Variants in PAQR5 observed in about 807,000 individuals in gnomAD.
PAQR5 encodes the protein membrane progestin receptor gamma.
A neutral mutation model predicts 34.5 loss-of-function variants in PAQR5; 20 were observed. The observed-to-expected ratio is 0.58, with a 90% CI of 0.41 to 0.84. The LOEUF (loss-of-function observed/expected upper bound fraction) is 0.84, where lower values mean the gene tolerates loss of function less well. Among genes scored for constraint, PAQR5 ranks in the 40% least tolerant of loss-of-function variants. The pLI, the probability that PAQR5 is intolerant of heterozygous loss-of-function variation, is 0.00. For missense variants in PAQR5, 378 were observed against 412.7 expected (o/e 0.92, Z 0.73); for synonymous variants, 131 against 155.6 (o/e 0.84, Z 1.18).
intron 1 of PAQR5, among the ~76,000 whole-genome samples, chr15:69,307,053 C>G (rs1457043664): frequency 6.6e-6 from 1 of 151,774 alleles, no homozygotes; most frequent in Non-Finnish European, 1.5e-5. Flanking sequence ...GACAGAATTT[C>G]CTTCTTTTTT....
intron 6 of PAQR5, among the ~76,000 whole-genome samples, chr15:69,392,860 G>T (rs1004521198): frequency 2.0e-5 from 3 of 152,010 alleles, no homozygotes; most frequent in African/African-American, 7.2e-5. Flanking sequence ...GTGGGCCAGG[G>T]TGGGGAAGCA....
intron 8 of PAQR5, among the ~76,000 whole-genome samples, chr15:69,402,915 A>G (rs920592828): frequency 1.3e-5 from 2 of 152,206 alleles, no homozygotes; most frequent in Non-Finnish European, 2.9e-5. Flanking sequence ...ACTACCCTCT[A>G]CTGGGCTCCC....
At chr15:69,364,160 C>T (rs2055320262) in intron 3 of PAQR5, among the ~76,000 whole-genome samples, 1 of 152,078 alleles carries the variant, frequency 6.6e-6, no homozygotes, top group African/African-American at 2.4e-5. Flanking sequence ...ATGAAGGAAG[C>T]ACAGCCAGAT....
chr15:69,334,047 TG>T (rs1220324591), intron 1 of PAQR5, among the ~76,000 whole-genome samples: 2 of 152,206 alleles, frequency 1.3e-5, no homozygotes, highest in South Asian at 2.1e-4. Flanking sequence ...GTTTTTTCTT[TG>T]AGATGGAGTC....
chr15:69,386,768 G>A (rs866645928), intron 5 of PAQR5, among the ~76,000 whole-genome samples: 6 of 151,070 alleles, frequency 4.0e-5, no homozygotes, highest in East Asian at 2.0e-4. Context: ...TTCCACCTCC[G>A]GAGAAACCCT....
rs1567030815 is a variant in PAQR5, at chr15:69,379,973, G to A, written c.142G>A (p.Glu48Lys). The A allele has an allele frequency of 6.2e-7, 1 of 1,614,204 alleles. No individual in the cohort carries two copies. Among genetic ancestry groups the A allele is most frequent in the South Asian group, 1.1e-5 (1 of 91,086 alleles). The change falls in exon 4 of 9, where the codon GAG becomes AAG. Residue 48 changes from glutamate (E) to lysine (K), a missense_variant. Transcript: ENST00000395407. ...CCTCAGCCTTTTCCAAATGACCAAT[G>A]AGACTCTCAACATTTGGACTCACTT... Reference protein sequence around the residue: ...CILSLFQMTNETLNIWTHLLP... With the variant: ...CILSLFQMTNKTLNIWTHLLP...
chr15:69,331,781 T>C (rs1159839671), intron 1 of PAQR5, among the ~76,000 whole-genome samples: 1 of 152,210 alleles, frequency 6.6e-6, no homozygotes, highest in African/African-American at 2.4e-5. Context: ...CTGAATGAGG[T>C]GACTAATGTC....
chr15:69,383,508 A>T, intron 4 of PAQR5, among the ~76,000 whole-genome samples: 1 of 113,634 alleles, frequency 8.8e-6, no homozygotes, highest in Non-Finnish European at 1.8e-5. Context: ...GTGGAGGGTG[A>T]CTGGCCCTCT....
At position 69,300,609 on chromosome 15, in the gene PAQR5, CT is replaced by C. The variant is rs1491414984; in HGVS notation, c.-277+1556del. Among the ~76,000 whole-genome samples, 2 of 48,678 alleles carry C rather than the reference CT, an allele frequency of 4.1e-5. 1 individual carries two copies. The highest frequency in any genetic ancestry group is 9.6e-5 in the Non-Finnish European group (2 of 20,730). 31.9% of individuals were successfully genotyped at this position (48,678 alleles called of 152,430 possible). A position where few individuals can be genotyped will look rare whatever the true frequency, so the allele number is the denominator to read the frequency against. On this transcript the variant is annotated intron_variant, in intron 1 of 8. Coordinates refer to ENST00000395407, the MANE Select transcript of PAQR5 (RefSeq NM_017705.4). Reference sequence around the variant, plus strand: ...TCTTTCCTTCTTTCTTTCTTTCTTTCTTTCTTTCTTTCTTTCTTTCTTTCTT... The same window carrying C: ...TCTTTCCTTCTTTCTTTCTTTCTTTCTTCTTTCTTTCTTTCTTTCTTTCTT...
rs2053578922 is a variant in PAQR5 at position 69,300,937 on chromosome 15, C to CTCTCTTTCCTTCTT, written c.-277+1884_-277+1885insCTTTCCTTCTTTCT. Among the ~76,000 whole-genome samples, 3 of 5,188 alleles carry CTCTCTTTCCTTCTT rather than the reference C, an allele frequency of 5.8e-4. 1 individual carries two copies. The highest frequency in any genetic ancestry group is 2.7e-3 in the Non-Finnish European group (3 of 1,108). The allele number at this position is 5,188 out of a possible 152,430, so 3.4% of individuals were successfully genotyped here. On this transcript the variant is annotated intron_variant, in intron 1 of 8. Coordinates refer to ENST00000395407, the MANE Select transcript of PAQR5 (RefSeq NM_017705.4). The stretch of plus-strand genomic sequence containing the variant: ...CCTTTCTCTCTCTCTCTCTCTCTCT[C>CTCTCTTTCCTTCTT]TCTTTCTTTCCTTCTTTCTTTCTTT...
At chr15:69,396,832 C>A in intron 6 of PAQR5, 1 of 286,544 alleles carries the variant, frequency 3.5e-6, no homozygotes, top group Non-Finnish European at 6.8e-6. Context: ...CAATCAGCAT[C>A]ACTTGTTTTA....
At chr15:69,398,744 G>A (rs2056532720) in intron 7 of PAQR5, among the ~76,000 whole-genome samples, 1 of 152,218 alleles carries the variant, frequency 6.6e-6, no homozygotes, top group Non-Finnish European at 1.5e-5. Context: ...AGCAGACAGA[G>A]CAATTCTGTC....
chr15:69,382,146 C>T (rs990531100), intron 4 of PAQR5, among the ~76,000 whole-genome samples: 53 of 152,240 alleles, frequency 3.5e-4, no homozygotes, highest in African/African-American at 1.2e-3. Context: ...CTCTTGGCCT[C>T]GGCTTGCAAG....
intron 3 of PAQR5, among the ~76,000 whole-genome samples, chr15:69,370,721 G>A (rs1051992825): frequency 5.3e-5 from 8 of 152,054 alleles, no homozygotes; most frequent in Admixed American, 1.3e-4. Flanking sequence ...GAGTTTCACC[G>A]TGTTAGCCAG....
At chr15:69,305,453 T>A (rs1232397052) in intron 1 of PAQR5, among the ~76,000 whole-genome samples, 2 of 151,898 alleles carry the variant, frequency 1.3e-5, no homozygotes, top group Non-Finnish European at 2.9e-5. Flanking sequence ...GACCTCATGC[T>A]GAGAGCCAAG....
chr15:69,301,038 CTA>C (rs2053594086), intron 1 of PAQR5, among the ~76,000 whole-genome samples: 1 of 133,300 alleles, frequency 7.5e-6, no homozygotes, highest in Non-Finnish European at 1.6e-5. Flanking sequence ...GAGTCTTGCT[CTA>C]TTACCCAGGC....
chr15:69,323,948 T>A (rs1477074819), intron 1 of PAQR5, among the ~76,000 whole-genome samples: 1 of 152,148 alleles, frequency 6.6e-6, no homozygotes, highest in Non-Finnish European at 1.5e-5. Context: ...GTACCATTTT[T>A]AATAGCCCCA....
At chr15:69,368,115 A>G (rs1301129383) in intron 3 of PAQR5, among the ~76,000 whole-genome samples, 1 of 151,798 alleles carries the variant, frequency 6.6e-6, no homozygotes, top group Non-Finnish European at 1.5e-5. Context: ...GTGCAGTGGC[A>G]CTATCTTGGC....
chr15:69,350,125 G>T (rs2054874922), intron 2 of PAQR5, among the ~76,000 whole-genome samples: 1 of 152,232 alleles, frequency 6.6e-6, no homozygotes. Context: ...GGAATAACTG[G>T]ATCCCAGGGT....
Sources: allele counts gnomAD v4.1 joint callset (sites outside exome capture counted in the v4.1 genomes callset), GRCh38; gene constraint gnomAD v4.1.1; transcripts MANE v1.5; gene names NCBI Gene and HGNC (gene_info 2026-07-23, HGNC 2026-07-21).